DGKI: variants seen among roughly 807,000 people sequenced by gnomAD.
DGKI encodes the protein diacylglycerol kinase iota, also known as DAG kinase iota.
A neutral mutation model predicts 147.5 loss-of-function variants in DGKI; 55 were observed. The observed-to-expected ratio is 0.37, with a 90% CI of 0.30 to 0.47. DGKI has a LOEUF of 0.47. DGKI is among the 20% of genes least tolerant of loss of function. DGKI has a pLI of 1.00. For synonymous variants in DGKI, 469 were observed against 477.1 expected (o/e 0.98, Z 0.22); for missense variants, 1,007 against 1,323.8 (o/e 0.76, Z 3.71).
chr7:137,499,393 A>C (rs1275107178), intron 21 of DGKI, among the ~76,000 whole-genome samples: 1 of 152,100 alleles, frequency 6.6e-6, no homozygotes, highest in Non-Finnish European at 1.5e-5. Flanking sequence ...TAGCTGGTAA[A>C]ACACAATTTC....
At chr7:137,706,878 C>T (rs963749480) in intron 1 of DGKI, among the ~76,000 whole-genome samples, 1 of 152,106 alleles carries the variant, frequency 6.6e-6, no homozygotes, top group African/African-American at 2.4e-5. Context: ...CGCCGAAACA[C>T]CCTTATTTTA....
At chr7:137,411,052 G>A (rs1369127329) in intron 29 of DGKI, among the ~76,000 whole-genome samples, 2 of 152,192 alleles carry the variant, frequency 1.3e-5, no homozygotes, top group Non-Finnish European at 2.9e-5. Context: ...TGCAGCACAG[G>A]TGTCCTTCAG....
chr7:137,530,993 C>T (rs1265593025), intron 20 of DGKI, among the ~76,000 whole-genome samples: 1 of 152,106 alleles, frequency 6.6e-6, no homozygotes. Context: ...GAACTGGCAA[C>T]TAGAGATGAC....
At chr7:137,511,171 A>T (rs1285041480) in intron 21 of DGKI, among the ~76,000 whole-genome samples, 1 of 152,258 alleles carries the variant, frequency 6.6e-6, no homozygotes, top group Non-Finnish European at 1.5e-5. Flanking sequence ...TCAATCAATG[A>T]ATTGCTCTTA....
intron 21 of DGKI, among the ~76,000 whole-genome samples, chr7:137,521,547 G>A (rs1425715848): frequency 6.6e-6 from 1 of 152,042 alleles, no homozygotes; most frequent in Non-Finnish European, 1.5e-5. Context: ...TTTTCTGGAT[G>A]GTGCTATACC....
At chr7:137,544,384 G>T (rs759385155) in intron 20 of DGKI, among the ~76,000 whole-genome samples, 1 of 152,114 alleles carries the variant, frequency 6.6e-6, no homozygotes, top group African/African-American at 2.4e-5. Flanking sequence ...ACAACATTCA[G>T]TTTGGCAATT....
intron 1 of DGKI, among the ~76,000 whole-genome samples, chr7:137,725,535 G>C (rs1046298300): frequency 2.6e-5 from 4 of 151,098 alleles, no homozygotes; most frequent in African/African-American, 9.8e-5. Flanking sequence ...CTCTCAGCAT[G>C]AAAAAGAGAA....
At chr7:137,703,431 T>C (rs1465374208) in intron 1 of DGKI, among the ~76,000 whole-genome samples, 1 of 152,178 alleles carries the variant, frequency 6.6e-6, no homozygotes, top group African/African-American at 2.4e-5. Context: ...AAGGCCCTAA[T>C]GTCCCACTTC....
At chr7:137,737,204 CA>C (rs763572711) in intron 1 of DGKI, among the ~76,000 whole-genome samples, 12,589 of 83,468 alleles carry the variant, frequency 0.15, 536 homozygotes, top group East Asian at 0.3. Flanking sequence ...CTCATTTCAC[CA>C]AAAAAAAAAA....
intron 1 of DGKI, among the ~76,000 whole-genome samples, chr7:137,802,808 G>C (rs1478212431): frequency 6.6e-6 from 1 of 152,122 alleles, no homozygotes; most frequent in East Asian, 1.9e-4. Context: ...ACACCTGGCT[G>C]TTCCAACTGC....
chr7:137,561,201 A>T (rs10234462), intron 19 of DGKI, among the ~76,000 whole-genome samples: 5,611 of 152,274 alleles, frequency 0.037, 215 homozygotes, highest in South Asian at 0.1. Context: ...AAAATAAAAA[A>T]AAAAATGTAG....
chr7:137,449,319 C>A (rs79328936), intron 27 of DGKI, among the ~76,000 whole-genome samples: 2,929 of 152,104 alleles, frequency 0.019, 77 homozygotes, highest in African/African-American at 0.067. Flanking sequence ...GATAGAGAGC[C>A]GGAAAATAAA....
At chr7:137,768,145 T>C (rs1196982470) in intron 1 of DGKI, among the ~76,000 whole-genome samples, 1 of 152,208 alleles carries the variant, frequency 6.6e-6, no homozygotes, top group Non-Finnish European at 1.5e-5. Flanking sequence ...TCTAAAATGG[T>C]ACCATCTCAT....
At chr7:137,575,010 C>T (rs1355188735) in intron 17 of DGKI, among the ~76,000 whole-genome samples, 1 of 152,156 alleles carries the variant, frequency 6.6e-6, no homozygotes, top group African/African-American at 2.4e-5. Context: ...CTCAGGAAAA[C>T]ATAGAATGAT....
intron 20 of DGKI, among the ~76,000 whole-genome samples, chr7:137,530,978 T>C (rs921546771): frequency 2.0e-5 from 3 of 152,170 alleles, no homozygotes; most frequent in Admixed American, 2.0e-4. Flanking sequence ...TGCCCTGATA[T>C]TGGTGAACTG....
intron 21 of DGKI, chr7:137,493,787 A>G (rs1358680985): frequency 1.4e-6 from 1 of 702,120 alleles, no homozygotes; most frequent in Admixed American, 2.0e-5. Context: ...TCTTACCTCC[A>G]AATGACTGCA....
Position 137,463,499 on chromosome 7 carries a change from G to C in DGKI, c.2725C>G (p.Arg909Gly). The part of the protein sequence containing the change: ...DSDLKDLSHS[R>G]VLQSPVSSED... ...CAAGAGAACTCTTACTGTAGCACGC[G>C]GGAGTGGCTGAGATCTTTCAGATCT... Residue 909 changes from arginine to glycine, a missense_variant, in exon 27 of 33, where the codon CGC (arginine) becomes GGC (glycine). Arg to Gly is a moderately radical substitution (Grantham distance 125, BLOSUM62 -2). Around this residue, in one of 5 missense-constraint regions of DGKI, gnomAD observed 385 missense variants for 445.2 expected, o/e 0.86. Transcript: ENST00000614521. 1 of 1,614,034 alleles carries C rather than the reference G, an allele frequency of 6.2e-7. No individual in the cohort carries two copies. Among genetic ancestry groups the C allele is most frequent in the African/African-American group, 1.3e-5 (1 of 75,032 alleles).
At chr7:137,703,552 C>T (rs1824057446) in intron 1 of DGKI, among the ~76,000 whole-genome samples, 1 of 152,162 alleles carries the variant, frequency 6.6e-6, no homozygotes, top group African/African-American at 2.4e-5. Context: ...CATACAGAGC[C>T]ACTTGAAAAA....
At chr7:137,640,943 TTAGGGAACTGA>T (rs1316631268) in intron 6 of DGKI, among the ~76,000 whole-genome samples, 1 of 152,150 alleles carries the variant, frequency 6.6e-6, no homozygotes, top group Non-Finnish European at 1.5e-5. Flanking sequence ...GCATGTTTGG[TTAGGGAACTGA>T]TATGGTTTGG....
Sources: gnomAD v4.1 joint callset for allele counts (sites outside exome capture counted in the v4.1 genomes callset) on GRCh38, gnomAD v4.1.1 for gene constraint, gnomAD v4.1.1 regional missense constraint, MANE v1.5 for transcripts, NCBI Gene and HGNC (gene_info 2026-07-23, HGNC 2026-07-21) for gene names.